Variants in TBC1D32 observed in about 807,000 individuals in gnomAD.
TBC1D32 encodes protein broad-minded.
TBC1D32 carries 151 observed loss-of-function variants against 170.3 expected under a neutral mutation model. That is an observed-to-expected ratio of 0.89 (90% CI 0.78 to 1.01). The LOEUF is 1.01. Ranked by LOEUF, TBC1D32 falls within the 50% of genes least tolerant of loss-of-function variation. TBC1D32 has a pLI of 0.00. For missense variants in TBC1D32, 1,464 were observed against 1,457.1 expected (o/e 1.00, Z -0.08); for synonymous variants, 498 against 488.0 (o/e 1.02, Z -0.27).
chr6:121,134,536 A>C (rs1301289258), intron 24 of TBC1D32, among the ~76,000 whole-genome samples: 4 of 152,264 alleles, frequency 2.6e-5, no homozygotes, highest in South Asian at 4.1e-4. Flanking sequence ...GATTTGAGGC[A>C]ATAAAGAAAT....
At chr6:121,308,972 C>A (rs1807766832) in intron 4 of TBC1D32, among the ~76,000 whole-genome samples, 1 of 152,088 alleles carries the variant, frequency 6.6e-6, no homozygotes, top group East Asian at 1.9e-4. Context: ...CATTTCCCAA[C>A]TGAAACAACT....
intron 10 of TBC1D32, among the ~76,000 whole-genome samples, chr6:121,296,618 T>C (rs2128469729): frequency 6.6e-6 from 1 of 152,190 alleles, no homozygotes; most frequent in African/African-American, 2.4e-5. Flanking sequence ...TTTGAGTCCA[T>C]CCATTTATCC....
intron 15 of TBC1D32, among the ~76,000 whole-genome samples, chr6:121,267,594 T>C (rs1372240365): frequency 7.2e-5 from 11 of 152,068 alleles, no homozygotes; most frequent in African/African-American, 2.4e-4. Flanking sequence ...TGCTGAGGCT[T>C]CAGTAGATAA....
intron 29 of TBC1D32, among the ~76,000 whole-genome samples, chr6:121,111,203 T>C (rs946302707): frequency 3.3e-5 from 5 of 152,176 alleles, no homozygotes; most frequent in Non-Finnish European, 5.9e-5. Context: ...CACAAGATCA[T>C]TGATGTTATG....
In TBC1D32 at chr6:121,160,058, G is replaced by A; in HGVS notation, c.2725C>T (p.Pro909Ser). ...GTAATGTCTGACAGATAGCAGTTTG[G>A]CAATGGATATGATGAAAACATTGGC... is the stretch of plus-strand genomic sequence containing the variant. ...PWPMFSSYPL[P>S]NCYLSDITRN... Residue 909 changes from proline (P) to serine (S), a missense_variant, in exon 24 of 32, where the codon CCA (proline) becomes TCA (serine). Around this residue, in one of 3 missense-constraint regions of TBC1D32, gnomAD observed 1,363 missense variants for 1,338.1 expected, o/e 1.02. Coordinates refer to ENST00000398212, the MANE Select transcript of TBC1D32 (RefSeq NM_152730.6). 1.9e-6 allele frequency: 3 copies of A among 1,607,804 alleles called. No individual in the cohort carries two copies. Among genetic ancestry groups the A allele is most frequent in the Non-Finnish European group, 2.6e-6 (3 of 1,175,562 alleles).
At chr6:121,272,209 T>C (rs1424856298) in intron 15 of TBC1D32, among the ~76,000 whole-genome samples, 1 of 152,118 alleles carries the variant, frequency 6.6e-6, no homozygotes, top group African/African-American at 2.4e-5. Flanking sequence ...AAGGACTTCA[T>C]GACTAAAACA....
chr6:121,243,409 G>A (rs529140064), intron 17 of TBC1D32, among the ~76,000 whole-genome samples: 9 of 152,200 alleles, frequency 5.9e-5, no homozygotes, highest in Admixed American at 3.3e-4. Flanking sequence ...CTGGCCAGAG[G>A]TGGCCATATG....
chr6:121,142,343 T>A (rs565239278), intron 24 of TBC1D32, among the ~76,000 whole-genome samples: 28 of 152,364 alleles, frequency 1.8e-4, no homozygotes, highest in African/African-American at 6.5e-4. Flanking sequence ...GGATGTTCTA[T>A]TGGTCTCATT....
intron 24 of TBC1D32, among the ~76,000 whole-genome samples, chr6:121,141,153 A>C (rs1782737910): frequency 6.6e-6 from 1 of 152,148 alleles, no homozygotes; most frequent in Non-Finnish European, 1.5e-5. Context: ...AACTCACTGT[A>C]AGGTACAAAT....
intron 26 of TBC1D32, among the ~76,000 whole-genome samples, chr6:121,117,151 C>T (rs903530744): frequency 2.4e-4 from 37 of 152,116 alleles, no homozygotes; most frequent in Non-Finnish European, 2.6e-4. Context: ...TACAATTGGA[C>T]AGTTATACAA....
rs7757360 is a variant in TBC1D32, at chr6:121,185,746, T to G, written c.2570+19329A>C. Among the ~76,000 whole-genome samples, 537 of 152,188 alleles carry G rather than the reference T, an allele frequency of 3.5e-3. 1 individual carries two copies. The highest frequency in any genetic ancestry group is 0.012 in the African/African-American group (508 of 41,548). On this transcript the variant is annotated intron_variant, in intron 22 of 31. Transcript: ENST00000398212. ...TATCTTACTATGGACTTTCTAGGGG[T>G]GATGGCATCCACAAAACACTGTTTC...
At chr6:121,088,004 G>T (rs1356963171) in intron 31 of TBC1D32, among the ~76,000 whole-genome samples, 1 of 150,200 alleles carries the variant, frequency 6.7e-6, no homozygotes, top group East Asian at 2.0e-4. Context: ...AGGCTGGAGT[G>T]CACTGGTACA....
chr6:121,324,989 C>G (rs1182828159), intron 1 of TBC1D32, among the ~76,000 whole-genome samples: 4 of 152,124 alleles, frequency 2.6e-5, no homozygotes. Flanking sequence ...GCAGGTGGAT[C>G]ACCAGAGGTC....
chr6:121,194,996 G>A (rs964317209), intron 22 of TBC1D32, among the ~76,000 whole-genome samples: 10 of 152,156 alleles, frequency 6.6e-5, no homozygotes, highest in Non-Finnish European at 7.3e-5. Flanking sequence ...GGGGCCTGTC[G>A]AGATATTACT....
At chr6:121,264,542 G>A (rs570054369) in intron 15 of TBC1D32, among the ~76,000 whole-genome samples, 4 of 152,212 alleles carry the variant, frequency 2.6e-5, no homozygotes, top group South Asian at 2.1e-4. Flanking sequence ...TAAAAGGAAG[G>A]GATTCCTTCC....
intron 3 of TBC1D32, among the ~76,000 whole-genome samples, chr6:121,315,920 C>A (rs1006867447): frequency 4.6e-5 from 7 of 152,116 alleles, no homozygotes; most frequent in African/African-American, 1.7e-4. Flanking sequence ...ACCATGCCTT[C>A]TTGATGGGCA....
At chr6:121,219,062 T>G (rs1241900564) in intron 21 of TBC1D32, among the ~76,000 whole-genome samples, 1 of 152,150 alleles carries the variant, frequency 6.6e-6, no homozygotes, top group African/African-American at 2.4e-5. Context: ...ATTAGGGAAT[T>G]ACATATTTAT....
chr6:121,084,381 T>C (rs1205851831), intron 31 of TBC1D32, among the ~76,000 whole-genome samples: 2 of 152,106 alleles, frequency 1.3e-5, no homozygotes, highest in East Asian at 3.9e-4. Flanking sequence ...AAGATATTCA[T>C]AGTGGTCATA....
intron 16 of TBC1D32, 118 bp from the exon 17 acceptor site, chr6:121,255,528 T>TATAATTATATTTTATAATTATA (rs1583421638): frequency 3.0e-4 from 75 of 247,636 alleles, no homozygotes; most frequent in East Asian, 1.2e-3. Flanking sequence ...ATTTTATATT[T>TATAATTATATTTTATAATTATA]CTTACTGATA....
Sources: allele counts gnomAD v4.1 joint callset (sites outside exome capture counted in the v4.1 genomes callset), GRCh38; gene constraint gnomAD v4.1.1; regional missense constraint gnomAD v4.1.1; transcripts MANE v1.5; gene names NCBI Gene and HGNC (gene_info 2026-07-23, HGNC 2026-07-21).